The following SPATA17 variants were observed in gnomAD, a reference collection of about 807,000 sequenced individuals.
The protein encoded by SPATA17 is spermatogenesis-associated protein 17.
Under a neutral mutation model 62.2 loss-of-function variants are expected in SPATA17, and 53 were observed. The observed-to-expected ratio is 0.85, with a 90% CI of 0.68 to 1.07. SPATA17 has a LOEUF of 1.07. SPATA17 is among the 50% of genes least tolerant of loss of function. The pLI, the probability that SPATA17 is intolerant of heterozygous loss-of-function variation, is 0.00. For synonymous variants in SPATA17, 146 were observed against 146.8 expected (o/e 0.99, Z 0.04); for missense variants, 466 against 425.5 (o/e 1.10, Z -0.84).
intron 5 of SPATA17, among the ~76,000 whole-genome samples, chr1:217,688,589 T>A (rs114124276): frequency 0.05 from 7,643 of 152,268 alleles, 254 homozygotes; most frequent in Middle Eastern, 0.12. Flanking sequence ...TCTGAATGTC[T>A]TATCAATTTT....
At chr1:217,735,108 T>A (rs1162079363) in intron 5 of SPATA17, among the ~76,000 whole-genome samples, 1 of 152,186 alleles carries the variant, frequency 6.6e-6, no homozygotes, top group Non-Finnish European at 1.5e-5. Flanking sequence ...GGCACCAAGT[T>A]CGTACTAGGT....
At chr1:217,703,234 G>C (rs1214036111) in intron 5 of SPATA17, among the ~76,000 whole-genome samples, 1 of 146,704 alleles carries the variant, frequency 6.8e-6, no homozygotes, top group Non-Finnish European at 1.5e-5. Flanking sequence ...ACAGTGGTGC[G>C]ATCTCAGCTC....
At chr1:217,645,042 T>C (rs1670148587) in intron 1 of SPATA17, among the ~76,000 whole-genome samples, 1 of 152,024 alleles carries the variant, frequency 6.6e-6, no homozygotes, top group Admixed American at 6.6e-5. Context: ...TAACCCAGCA[T>C]CTGTAAATTT....
intron 3 of SPATA17, among the ~76,000 whole-genome samples, chr1:217,654,138 T>A (rs965387631): frequency 1.8e-4 from 27 of 150,954 alleles, no homozygotes; most frequent in African/African-American, 6.5e-4. Context: ...TTTATTCTTA[T>A]TTACTTTTTT....
intron 5 of SPATA17, among the ~76,000 whole-genome samples, chr1:217,722,613 TGA>T (rs1672160246): frequency 2.0e-5 from 3 of 152,232 alleles, no homozygotes; most frequent in Admixed American, 2.0e-4. Flanking sequence ...TATATTTGAA[TGA>T]GCATTTTTAA....
chr1:217,681,866 A>G (rs920003562), intron 4 of SPATA17, among the ~76,000 whole-genome samples: 3 of 152,144 alleles, frequency 2.0e-5, no homozygotes, highest in Non-Finnish European at 4.4e-5. Context: ...TAGCTAAAAA[A>G]AAGTAGGCTT....
chr1:217,726,229 C>T (rs60060786), intron 5 of SPATA17, among the ~76,000 whole-genome samples: 7,317 of 152,102 alleles, frequency 0.048, 580 homozygotes, highest in African/African-American at 0.16. Context: ...CCTGTTTGAC[C>T]GCCTGTCACT....
intron 1 of SPATA17, among the ~76,000 whole-genome samples, chr1:217,639,904 C>A (rs965489191): frequency 2.0e-5 from 3 of 152,040 alleles, no homozygotes; most frequent in South Asian, 2.1e-4. Context: ...AAGCCAATAC[C>A]ATAATGTTTC....
At chr1:217,846,679 A>G (rs1043085946) in intron 9 of SPATA17, among the ~76,000 whole-genome samples, 2 of 152,050 alleles carry the variant, frequency 1.3e-5, no homozygotes, top group Non-Finnish European at 1.5e-5. Context: ...TCAGAACGTC[A>G]TGTTATATAT....
chr1:217,668,509 G>GGAGTTATGTATTA, intron 3 of SPATA17, among the ~76,000 whole-genome samples: 1 of 152,154 alleles, frequency 6.6e-6, no homozygotes, highest in Non-Finnish European at 1.5e-5. Flanking sequence ...TCAGGAGGCA[G>GGAGTTATGTATTA]CTAAGTACAT....
intron 7 of SPATA17, among the ~76,000 whole-genome samples, chr1:217,781,735 A>G (rs986275886): frequency 6.6e-6 from 1 of 152,156 alleles, no homozygotes; most frequent in Non-Finnish European, 1.5e-5. Flanking sequence ...TAATGAAAAA[A>G]CAAATGCTCT....
chr1:217,841,857 T>A (rs1483650475), intron 9 of SPATA17, among the ~76,000 whole-genome samples: 1 of 151,120 alleles, frequency 6.6e-6, no homozygotes, highest in Non-Finnish European at 1.5e-5. Flanking sequence ...ATTATGTATA[T>A]GATAAATATA....
intron 9 of SPATA17, among the ~76,000 whole-genome samples, chr1:217,840,060 A>G (rs1675355833): frequency 6.6e-6 from 1 of 152,122 alleles, no homozygotes; most frequent in African/African-American, 2.4e-5. Context: ...CTATACAATT[A>G]TTGGTACATT....
intron 9 of SPATA17, among the ~76,000 whole-genome samples, chr1:217,847,061 A>AT (rs1675546129): frequency 6.6e-6 from 1 of 152,126 alleles, no homozygotes; most frequent in African/African-American, 2.4e-5. Context: ...TCAAGAAATT[A>AT]TTTTTCTCCT....
chr1:217,711,465 A>T (rs960807574), intron 5 of SPATA17, among the ~76,000 whole-genome samples: 7 of 152,284 alleles, frequency 4.6e-5, no homozygotes, highest in African/African-American at 1.7e-4. Flanking sequence ...TTGGCTTTGG[A>T]TTCAGATAGA....
chr1:217,649,740 T>C (rs1309373294), intron 2 of SPATA17, among the ~76,000 whole-genome samples: 2 of 151,818 alleles, frequency 1.3e-5, no homozygotes, highest in Admixed American at 6.6e-5. Context: ...TCACTTTTTT[T>C]TTTTTTTTCA....
At chr1:217,837,416 T>TTGC (rs1183161330) in intron 9 of SPATA17, among the ~76,000 whole-genome samples, 3 of 152,086 alleles carry the variant, frequency 2.0e-5, no homozygotes, top group Non-Finnish European at 4.4e-5. Flanking sequence ...AACTCTTTAA[T>TTGC]TGCTGCACTG....
At chr1:217,669,426 T>A (rs951219371) in intron 4 of SPATA17, among the ~76,000 whole-genome samples, 1 of 152,180 alleles carries the variant, frequency 6.6e-6, no homozygotes, top group African/African-American at 2.4e-5. Flanking sequence ...TTGTGAAATA[T>A]AAGATTCCTG....
chr1:217,684,017 C>G (rs76084195), intron 5 of SPATA17, among the ~76,000 whole-genome samples: 1 of 152,052 alleles, frequency 6.6e-6, no homozygotes, highest in South Asian at 2.1e-4. Context: ...GCCTCAGATG[C>G]ATTTGAGAAA....
Sources: gnomAD v4.1 joint callset for allele counts (sites outside exome capture counted in the v4.1 genomes callset) on GRCh38, gnomAD v4.1.1 for gene constraint, MANE v1.5 for transcripts, NCBI Gene and HGNC (gene_info 2026-07-23, HGNC 2026-07-21) for gene names.